Variants in LRRC71 observed in about 807,000 individuals in gnomAD.
The protein encoded by LRRC71 is leucine-rich repeat-containing protein 71.
Under a neutral mutation model 66.6 loss-of-function variants are expected in LRRC71, and 54 were observed. That is an observed-to-expected ratio of 0.81 (90% CI 0.65 to 1.02). The LOEUF is 1.02. Among genes scored for constraint, LRRC71 ranks in the 50% least tolerant of loss-of-function variants. The probability of loss-of-function intolerance (pLI) is 0.00; values close to 1 mark genes in which losing one functional copy is unlikely to be tolerated. For missense variants in LRRC71, 724 were observed against 718.0 expected (o/e 1.01, Z -0.10); for synonymous variants, 323 against 303.9 (o/e 1.06, Z -0.65).
chr1:156,940,883 G>A, the LRRC71 span, among the ~76,000 whole-genome samples: 1 of 152,180 alleles, frequency 6.6e-6, no homozygotes, highest in Non-Finnish European at 1.5e-5. Flanking sequence ...GGAAACCCGA[G>A]ATTTCTCCTG....
At chr1:156,928,368 CTT>C (rs1653611356) in intron 9 of LRRC71, among the ~76,000 whole-genome samples, 1 of 93,276 alleles carries the variant, frequency 1.1e-5, no homozygotes, top group Non-Finnish European at 2.3e-5. Flanking sequence ...TCTTCCTCTT[CTT>C]CTTCTTCTTC....
In LRRC71 at chr1:156,927,508, G is replaced by T; in HGVS notation, c.675G>T (p.Leu225Phe). 1 of 1,532,378 alleles carries T rather than the reference G, an allele frequency of 6.5e-7. No individual in the cohort carries two copies. The allele number at this position is 1,532,378 out of a possible 1,614,324, so 94.9% of individuals were successfully genotyped here. The change falls in exon 7 of 15, where the codon TTG (leucine) becomes TTT (phenylalanine). Residue 225 changes from leucine (L) to phenylalanine (F), a missense_variant. By Grantham distance (22) the Leu-to-Phe change is conservative. Coordinates refer to ENST00000337428, the MANE Select transcript of LRRC71 (RefSeq NM_144702.3). ...CCGGCTGCCCCAGGATTGCGCACTT[G>T]TCTCTGCGGAACAATAACATCGACG... is the stretch of plus-strand genomic sequence containing the variant. ...LMALDSTIAH[L>F]SLRNNNIDDR...
chr1:156,940,072 C>A, the LRRC71 span: 1 of 1,399,894 alleles, frequency 7.1e-7, no homozygotes, highest in Non-Finnish European at 9.6e-7. Context: ...GGAATGACAT[C>A]TGTCTCCGCA....
At chr1:156,924,872 G>T in intron 4 of LRRC71, 66 bp from the exon 5 acceptor site, 1 of 1,530,796 alleles carries the variant, frequency 6.5e-7, no homozygotes, top group South Asian at 1.2e-5. Context: ...AGAACGGTGT[G>T]GGGAGGGTTT....
downstream of LRRC71, chr1:156,935,702 T>G: frequency 5.1e-6 from 2 of 395,536 alleles, no homozygotes; most frequent in Non-Finnish European, 9.1e-6. Flanking sequence ...TGTACACACA[T>G]ATGTGGGGTG....
rs1221463206 is a variant in LRRC71 at position 156,920,926 on chromosome 1, T to C, written c.123T>C (p.Val41=). The C allele has an allele frequency of 6.5e-7, 1 of 1,540,196 alleles. No homozygotes were observed. The highest frequency in any genetic ancestry group is 8.8e-7 in the Non-Finnish European group (1 of 1,141,624). The change falls in exon 1 of 15, where the codon GTT becomes GTC. Residue 41 remains valine (V), a synonymous_variant. Transcript: ENST00000337428. The surrounding 1 kb of genome is among the most constrained non-coding windows in gnomAD (Gnocchi z 4.9). ...ERAAKEKPAT[V]LPPVGEEEPK... Reference sequence around the variant, plus strand: ...CGGCCAAAGAGAAGCCAGCGACCGTTCTGCCTCCCGTGGGGGAGGAGGAGC... The same window carrying C: ...CGGCCAAAGAGAAGCCAGCGACCGTCCTGCCTCCCGTGGGGGAGGAGGAGC...
At chr1:156,923,906 G>T (rs866866881) in intron 1 of LRRC71, 43 bp from the exon 2 acceptor site, 2 of 1,421,190 alleles carry the variant, frequency 1.4e-6, no homozygotes, top group Non-Finnish European at 1.8e-6. Flanking sequence ...GGATGCGGGG[G>T]TGGGCGTGGC....
downstream of LRRC71, chr1:156,935,925 C>T (rs74584761): frequency 6.6e-6 from 10 of 1,513,810 alleles, no homozygotes; most frequent in South Asian, 7.4e-5. Flanking sequence ...TGGGATCCCC[C>T]CTACCCTGTG....
intron 1 of LRRC71, 108 bp downstream of exon 1, chr1:156,921,071 G>C: frequency 8.0e-7 from 1 of 1,247,286 alleles, no homozygotes. Flanking sequence ...ACATACCTAC[G>C]TTGAGTTCCT....
chr1:156,921,027 C>T (rs1197157205), intron 1 of LRRC71, 64 bp downstream of exon 1: 1 of 1,436,954 alleles, frequency 7.0e-7, no homozygotes, highest in Non-Finnish European at 9.2e-7. Flanking sequence ...TTCCCACTAG[C>T]TACTCACTGC....
At chr1:156,937,304 A>G (rs148727257), downstream of LRRC71, 688 of 1,613,790 alleles carry the variant, frequency 4.3e-4, 1 homozygote, top group Non-Finnish European at 3.3e-4. Context: ...GATCATGCCC[A>G]CGTCCCTGAG....
At chr1:156,937,388 G>C (rs774563706), downstream of LRRC71, 2 of 1,606,176 alleles carry the variant, frequency 1.2e-6, no homozygotes, top group South Asian at 1.1e-5. Flanking sequence ...CTGAGGCTCT[G>C]TCTGCCCTGC....
chr1:156,935,031 T>C (rs982970617), downstream of LRRC71: 2 of 150,142 alleles, frequency 1.3e-5, no homozygotes, highest in African/African-American at 4.9e-5. Flanking sequence ...TCAGGGAGAG[T>C]TGGGTGAGGA....
chr1:156,924,288 G>T, intron 2 of LRRC71, 136 bp from the exon 3 acceptor site: 1 of 1,346,232 alleles, frequency 7.4e-7, no homozygotes, highest in Non-Finnish European at 1.0e-6. Context: ...GGCGCGAGTG[G>T]CCGGAGAGGC....
chr1:156,938,208 T>G, the LRRC71 span, among the ~76,000 whole-genome samples: 2 of 152,166 alleles, frequency 1.3e-5, no homozygotes, highest in African/African-American at 4.8e-5. Context: ...AACAGGAGCC[T>G]GGACAGGTGG....
intron 11 of LRRC71, among the ~76,000 whole-genome samples, chr1:156,930,060 T>C (rs202014897): frequency 3.6e-4 from 46 of 126,232 alleles, no homozygotes; most frequent in East Asian, 1.2e-3. Flanking sequence ...CTTTCTTTCT[T>C]TTTCTTTCTT....
chr1:156,940,200 C>G, the LRRC71 span: 1 of 1,568,650 alleles, frequency 6.4e-7, no homozygotes, highest in African/African-American at 1.4e-5. Context: ...GGCCTTGAAG[C>G]ACTCACCATC....
chr1:156,928,562 A>AT (rs1653776209), intron 9 of LRRC71, among the ~76,000 whole-genome samples: 1 of 62,012 alleles, frequency 1.6e-5, no homozygotes, highest in African/African-American at 7.3e-5. Context: ...TCTTCTTCTT[A>AT]CTTTTTTTTT....
At chr1:156,940,229 G>T in the LRRC71 span, 1 of 1,594,792 alleles carries the variant, frequency 6.3e-7, no homozygotes. Context: ...CGGAGTCAGC[G>T]AGCCCTTCCA....
Sources: gnomAD v4.1 joint callset for allele counts (sites outside exome capture counted in the v4.1 genomes callset) on GRCh38, gnomAD v4.1.1 for gene constraint, Gnocchi (gnomAD v3.1) non-coding constraint, MANE v1.5 for transcripts, NCBI Gene and HGNC (gene_info 2026-07-23, HGNC 2026-07-21) for gene names.